Variants in RPSA2 observed in about 807,000 individuals in gnomAD.
RPSA2 encodes the protein small ribosomal subunit protein uS2B.
chr19:23,842,463 C>T, the RPSA2 span: 3 of 151,976 alleles, frequency 2.0e-5, no homozygotes, highest in South Asian at 2.1e-4. Context: ...ACAGAGCCAA[C>T]TCTCTTAACT....
chr19:23,869,603 G>A, the RPSA2 span, among the ~76,000 whole-genome samples: 1 of 152,254 alleles, frequency 6.6e-6, no homozygotes, highest in Admixed American at 6.5e-5. Context: ...AAACTTCACT[G>A]CCATTGGTGG....
At chr19:23,843,381 G>A in the RPSA2 span, among the ~76,000 whole-genome samples, 1 of 152,154 alleles carries the variant, frequency 6.6e-6, no homozygotes, top group Admixed American at 6.5e-5. Flanking sequence ...CAATGGAAAG[G>A]TTCCTAAAAA....
the RPSA2 span, chr19:23,823,690 C>T: frequency 6.6e-6 from 1 of 152,234 alleles, no homozygotes; most frequent in African/African-American, 2.4e-5. Flanking sequence ...TGATCAGGCT[C>T]CCCTTCCATC....
At chr19:23,863,408 A>G in the RPSA2 span, among the ~76,000 whole-genome samples, 1 of 152,094 alleles carries the variant, frequency 6.6e-6, no homozygotes, top group Non-Finnish European at 1.5e-5. Flanking sequence ...TGCTACAAAT[A>G]CAACAATTAG....
the RPSA2 span, chr19:23,843,280 G>A: frequency 2.7e-5 from 5 of 186,672 alleles, no homozygotes; most frequent in Middle Eastern, 1.5e-3. Context: ...ACTCTGGCAC[G>A]TAAGCATGAA....
the RPSA2 span, among the ~76,000 whole-genome samples, chr19:23,835,211 T>C: frequency 9.8e-5 from 2 of 20,462 alleles, no homozygotes; most frequent in East Asian, 2.0e-3. Context: ...TTATAAATTT[T>C]AATATATTTT....
the RPSA2 span, among the ~76,000 whole-genome samples, chr19:23,807,511 T>C: frequency 0.98 from 148,972 of 152,298 alleles, 72,952 homozygotes; most frequent in Middle Eastern, 1. Flanking sequence ...AAAACATATA[T>C]AACTCATTCT....
chr19:23,858,905 T>C, the RPSA2 span, among the ~76,000 whole-genome samples: 18 of 152,216 alleles, frequency 1.2e-4, no homozygotes, highest in East Asian at 9.6e-4. Flanking sequence ...AATTAGACAC[T>C]GCCTCCTGAA....
At chr19:23,799,116 T>C in the RPSA2 span, 1 of 152,354 alleles carries the variant, frequency 6.6e-6, no homozygotes, top group East Asian at 1.9e-4. Context: ...AGAGAGAAAT[T>C]GTTTTTGCAG....
At chr19:23,862,296 C>A in the RPSA2 span, among the ~76,000 whole-genome samples, 1 of 151,544 alleles carries the variant, frequency 6.6e-6, no homozygotes, top group Admixed American at 6.6e-5. Context: ...ATGGGGTTTT[C>A]TAGATATACA....
chr19:23,871,079 A>T, the RPSA2 span, among the ~76,000 whole-genome samples: 2 of 152,148 alleles, frequency 1.3e-5, no homozygotes, highest in East Asian at 3.9e-4. Context: ...TATCTCCTTT[A>T]CTCAATAAAT....
chr19:23,830,420 C>T, the RPSA2 span, among the ~76,000 whole-genome samples: 4 of 152,218 alleles, frequency 2.6e-5, no homozygotes, highest in East Asian at 7.7e-4. Context: ...GCCTGGATTA[C>T]AGGCAGGAGC....
the RPSA2 span, among the ~76,000 whole-genome samples, chr19:23,785,995 G>A: frequency 6.6e-6 from 1 of 152,112 alleles, no homozygotes; most frequent in African/African-American, 2.4e-5. Context: ...CCCACCAATT[G>A]TTAGAATTGT....
chr19:23,834,550 C>T, the RPSA2 span, among the ~76,000 whole-genome samples: 1 of 151,884 alleles, frequency 6.6e-6, no homozygotes, highest in African/African-American at 2.4e-5. Flanking sequence ...TAATACTCTT[C>T]TACATTATTA....
chr19:23,810,765 G>A, the RPSA2 span, among the ~76,000 whole-genome samples: 1 of 152,134 alleles, frequency 6.6e-6, no homozygotes, highest in Non-Finnish European at 1.5e-5. Context: ...CTAGGCCTCT[G>A]GAAGAGCAGG....
chr19:23,846,691 C>G, the RPSA2 span, among the ~76,000 whole-genome samples: 144 of 152,270 alleles, frequency 9.5e-4, 1 homozygote, highest in African/African-American at 3.3e-3. Flanking sequence ...CCATCCTGTT[C>G]TCTTCTGGCC....
the RPSA2 span, among the ~76,000 whole-genome samples, chr19:23,858,095 A>C: frequency 7.8e-6 from 1 of 127,658 alleles, no homozygotes; most frequent in Admixed American, 9.1e-5. Flanking sequence ...AAGTTTCTTG[A>C]GTATAAGCAA....
chr19:23,860,869 C>T, the RPSA2 span, among the ~76,000 whole-genome samples: 15 of 152,104 alleles, frequency 9.9e-5, no homozygotes, highest in Non-Finnish European at 2.9e-5. Context: ...AAGTGTCTAC[C>T]ACAATGCAAG....
At chr19:23,826,730 G>A in the RPSA2 span, among the ~76,000 whole-genome samples, 1 of 151,970 alleles carries the variant, frequency 6.6e-6, no homozygotes, top group Non-Finnish European at 1.5e-5. Flanking sequence ...CTGTCACCTA[G>A]GCTGGAGTGC....
Sources: allele counts gnomAD v4.1 joint callset (sites outside exome capture counted in the v4.1 genomes callset), GRCh38; gene constraint gnomAD v4.1.1; transcripts MANE v1.5; gene names NCBI Gene and HGNC (gene_info 2026-07-23, HGNC 2026-07-21).